Variants in CRPPA observed in about 807,000 individuals in gnomAD.
The protein encoded by CRPPA is CDP-L-ribitol pyrophosphorylase A.
CRPPA carries 43 observed loss-of-function variants against 52.0 expected under a neutral mutation model. The observed-to-expected ratio is 0.83, with a 90% CI of 0.65 to 1.07. The LOEUF is 1.07. Among genes scored for constraint, CRPPA ranks in the 50% least tolerant of loss-of-function variants. The pLI, the probability that CRPPA is intolerant of heterozygous loss-of-function variation, is 0.00. For missense variants in CRPPA, 629 were observed against 551.7 expected (o/e 1.14, Z -1.40); for synonymous variants, 250 against 203.5 (o/e 1.23, Z -1.94).
At chr7:16,251,438 C>T (rs942670372) in intron 8 of CRPPA, among the ~76,000 whole-genome samples, 3 of 152,138 alleles carry the variant, frequency 2.0e-5, no homozygotes, top group Non-Finnish European at 2.9e-5. Context: ...CTCTCAGCAC[C>T]ACATCACACT....
intron 3 of CRPPA, among the ~76,000 whole-genome samples, chr7:16,329,106 A>C (rs1785487672): frequency 6.6e-6 from 1 of 152,080 alleles, no homozygotes; most frequent in Non-Finnish European, 1.5e-5. Context: ...ACAACTTTAA[A>C]ATGAAATAAA....
chr7:16,165,952 A>G (rs1287969662), intron 9 of CRPPA, among the ~76,000 whole-genome samples: 1 of 152,236 alleles, frequency 6.6e-6, no homozygotes, highest in African/African-American at 2.4e-5. Context: ...CTTCACTTGA[A>G]TAGCTCCAAA....
intron 8 of CRPPA, among the ~76,000 whole-genome samples, chr7:16,241,451 T>C (rs1783106179): frequency 6.6e-6 from 1 of 152,086 alleles, no homozygotes; most frequent in Non-Finnish European, 1.5e-5. Context: ...AGCAAAGCTC[T>C]CATGTAATTA....
intron 4 of CRPPA, among the ~76,000 whole-genome samples, chr7:16,304,940 C>A (rs1467808562): frequency 6.6e-6 from 1 of 152,152 alleles, no homozygotes; most frequent in Non-Finnish European, 1.5e-5. Context: ...AGTACATGGC[C>A]ATGCCATCTG....
chr7:16,203,854 T>G (rs1251652197), intron 9 of CRPPA, among the ~76,000 whole-genome samples: 1 of 152,196 alleles, frequency 6.6e-6, no homozygotes, highest in Non-Finnish European at 1.5e-5. Context: ...GAAACTGACA[T>G]GCATGGCTGC....
At chr7:16,278,946 T>C (rs1397752610) in intron 5 of CRPPA, among the ~76,000 whole-genome samples, 2 of 152,184 alleles carry the variant, frequency 1.3e-5, no homozygotes, top group African/African-American at 4.8e-5. Flanking sequence ...GTTATCATGA[T>C]ACAAAGTTCA....
At chr7:16,400,247 G>T (rs747067496) in intron 2 of CRPPA, among the ~76,000 whole-genome samples, 1 of 152,186 alleles carries the variant, frequency 6.6e-6, no homozygotes, top group Non-Finnish European at 1.5e-5. Context: ...ATCTACACAT[G>T]ATCAACACGT....
intron 9 of CRPPA, among the ~76,000 whole-genome samples, chr7:16,191,586 C>T (rs75167977): frequency 0.032 from 4,815 of 152,142 alleles, 103 homozygotes; most frequent in Middle Eastern, 0.051. Flanking sequence ...GCACAGAGTG[C>T]GCTTGATACT....
intron 8 of CRPPA, among the ~76,000 whole-genome samples, chr7:16,222,543 C>G (rs1782544095): frequency 6.6e-6 from 1 of 151,886 alleles, no homozygotes; most frequent in Non-Finnish European, 1.5e-5. Context: ...AATCATTCAA[C>G]TTAATCGTAA....
rs1784249183 is a variant in CRPPA, at chr7:16,278,193, T to C, written c.869A>G (p.Asp290Gly). 3 of 1,579,210 alleles carry C rather than the reference T, an allele frequency of 1.9e-6. No homozygotes were observed. Among genetic ancestry groups the C allele is most frequent in the South Asian group, 1.1e-5 (1 of 87,748 alleles). ...TACATGTTTGTTATCTTCTTCTGTA[T>C]CCATAACTACACAAATCTCTTGGGA... ...RISQEICVVMDTEEDNKHVGH... is the reference protein window; with the variant it reads ...RISQEICVVMGTEEDNKHVGH... Residue 290 changes from aspartate (D) to glycine (G), a missense_variant, in exon 6 of 10, where the codon GAT becomes GGT. By Grantham distance (94) the Asp-to-Gly change is moderately conservative. Coordinates refer to ENST00000407010, the MANE Select transcript of CRPPA (RefSeq NM_001101426.4).
At chr7:16,335,870 C>A (rs1003758670) in intron 3 of CRPPA, among the ~76,000 whole-genome samples, 1 of 151,992 alleles carries the variant, frequency 6.6e-6, no homozygotes, top group Admixed American at 6.6e-5. Flanking sequence ...AAGCAGTGGG[C>A]GGGTAAGAAA....
intron 2 of CRPPA, among the ~76,000 whole-genome samples, chr7:16,379,441 T>C (rs1787010366): frequency 6.6e-6 from 1 of 152,320 alleles, no homozygotes; most frequent in Middle Eastern, 3.4e-3. Context: ...CCAGCTTTGT[T>C]CTTTTGGCTT....
At chr7:16,169,627 T>C (rs573762245) in intron 9 of CRPPA, among the ~76,000 whole-genome samples, 5 of 152,242 alleles carry the variant, frequency 3.3e-5, no homozygotes, top group Non-Finnish European at 7.3e-5. Flanking sequence ...TGAGACATTG[T>C]CCAGCTAACT....
At chr7:16,369,152 A>G (rs985517080) in intron 3 of CRPPA, among the ~76,000 whole-genome samples, 7 of 152,144 alleles carry the variant, frequency 4.6e-5, no homozygotes, top group Non-Finnish European at 1.0e-4. Flanking sequence ...TTCAGCTGGG[A>G]GCATCGGCAA....
At chr7:16,400,508 C>T (rs1004278438) in intron 2 of CRPPA, among the ~76,000 whole-genome samples, 5 of 152,178 alleles carry the variant, frequency 3.3e-5, no homozygotes, top group Admixed American at 6.5e-5. Flanking sequence ...AACACCCGAA[C>T]GACACGACTG....
Position 16,366,215 on chromosome 7 carries a change from C to A in CRPPA, c.684+9877G>T, listed in dbSNP as rs1164320319. On this transcript the variant is annotated intron_variant, in intron 3 of 9. Coordinates refer to ENST00000407010, the MANE Select transcript of CRPPA (RefSeq NM_001101426.4). ...TTCATAAAGGCAGAGCCGTCATGAT[C>A]TAATCACCTCCCAAAGGTGCCACCT... Among the ~76,000 whole-genome samples the A allele has an allele frequency of 2.0e-5, 3 of 152,154 alleles. No individual in the cohort carries two copies. The South Asian group carries it at 6.2e-4, about 32-fold the overall frequency.
chr7:16,236,511 C>CA (rs756311048), intron 8 of CRPPA, among the ~76,000 whole-genome samples: 1 of 151,942 alleles, frequency 6.6e-6, no homozygotes, highest in East Asian at 1.9e-4. Context: ...GGATTCAAGC[C>CA]AAAAAAATCT....
intron 5 of CRPPA, among the ~76,000 whole-genome samples, chr7:16,296,650 A>G (rs183492365): frequency 8.3e-4 from 127 of 152,320 alleles, no homozygotes; most frequent in African/African-American, 2.9e-3. Context: ...CATCCTAGAA[A>G]GGAAATCTGT....
At chr7:16,191,380 T>C (rs1374176390) in intron 9 of CRPPA, among the ~76,000 whole-genome samples, 1 of 152,146 alleles carries the variant, frequency 6.6e-6, no homozygotes, top group African/African-American at 2.4e-5. Flanking sequence ...CTTCATCAGT[T>C]ATAACACCCA....
Sources: allele counts gnomAD v4.1 joint callset (sites outside exome capture counted in the v4.1 genomes callset), GRCh38; gene constraint gnomAD v4.1.1; transcripts MANE v1.5; gene names NCBI Gene and HGNC (gene_info 2026-07-23, HGNC 2026-07-21).